TMEM132D: variants seen among roughly 807,000 people sequenced by gnomAD.
TMEM132D encodes the protein mature OL transmembrane protein.
A neutral mutation model predicts 62.3 loss-of-function variants in TMEM132D; 21 were observed. The observed-to-expected ratio is 0.34, with a 90% CI of 0.24 to 0.49. The LOEUF (loss-of-function observed/expected upper bound fraction) is 0.49. Among genes scored for constraint, TMEM132D ranks in the 20% least tolerant of loss-of-function variants. The pLI, the probability that TMEM132D is intolerant of heterozygous loss-of-function variation, is 0.99. For synonymous variants in TMEM132D, 621 were observed against 575.6 expected (o/e 1.08, Z -1.13); for missense variants, 1,346 against 1,402.8 (o/e 0.96, Z 0.65).
intron 1 of TMEM132D, among the ~76,000 whole-genome samples, chr12:129,838,866 C>T (rs1459893405): frequency 6.6e-6 from 1 of 151,942 alleles, no homozygotes; most frequent in Non-Finnish European, 1.5e-5. Context: ...ACTGATATTC[C>T]ACACACTGCT....
At chr12:129,895,108 C>T (rs527423072) in intron 1 of TMEM132D, among the ~76,000 whole-genome samples, 29 of 152,248 alleles carry the variant, frequency 1.9e-4, no homozygotes, top group Admixed American at 1.1e-3. Flanking sequence ...CTCCTTGGAA[C>T]GTGCTCAAGG....
chr12:129,087,887 ACCGGGGTGTCCTCCCTGACCGGGG>A (rs1874678162), intron 5 of TMEM132D, among the ~76,000 whole-genome samples: 1 of 128,362 alleles, frequency 7.8e-6, no homozygotes. Flanking sequence ...GTCCTCCCTG[ACCGGGGTGTCCTCCCTGACCGGGG>A]TGTCCTCCCT....
At chr12:129,675,489 A>G (rs1010487191) in intron 2 of TMEM132D, among the ~76,000 whole-genome samples, 2 of 152,338 alleles carry the variant, frequency 1.3e-5, no homozygotes, top group Non-Finnish European at 2.9e-5. Context: ...ATGTATACCT[A>G]TGTAACAAAC....
chr12:129,718,217 G>C (rs1314701026), intron 1 of TMEM132D, among the ~76,000 whole-genome samples: 1 of 152,212 alleles, frequency 6.6e-6, no homozygotes, highest in Non-Finnish European at 1.5e-5. Context: ...TAAGCCAATT[G>C]CAGTGGTCAG....
At chr12:129,301,328 G>T (rs1324279416) in intron 4 of TMEM132D, among the ~76,000 whole-genome samples, 1 of 151,970 alleles carries the variant, frequency 6.6e-6, no homozygotes, top group Non-Finnish European at 1.5e-5. Flanking sequence ...TTTGTATACA[G>T]CACACACCTT....
intron 1 of TMEM132D, among the ~76,000 whole-genome samples, chr12:129,859,129 C>A (rs1170501600): frequency 6.6e-6 from 1 of 152,166 alleles, no homozygotes; most frequent in African/African-American, 2.4e-5. Context: ...CGTTCCACCA[C>A]GTGAGGACAC....
intron 4 of TMEM132D, among the ~76,000 whole-genome samples, chr12:129,255,704 G>C (rs1017149405): frequency 1.3e-5 from 2 of 151,996 alleles, no homozygotes; most frequent in Non-Finnish European, 2.9e-5. Context: ...TCCCATCTCT[G>C]TTCTACAGAT....
chr12:129,768,562 C>T (rs1171591826), intron 1 of TMEM132D, among the ~76,000 whole-genome samples: 1 of 151,910 alleles, frequency 6.6e-6, no homozygotes, highest in South Asian at 2.1e-4. Context: ...GAATTGAAAA[C>T]AGAATCACCT....
chr12:129,462,207 C>T (rs1474760979), intron 3 of TMEM132D, among the ~76,000 whole-genome samples: 1 of 152,034 alleles, frequency 6.6e-6, no homozygotes, highest in Non-Finnish European at 1.5e-5. Context: ...AAAGGCGCTT[C>T]TTGTTCTGAA....
chr12:129,189,786 A>G (rs1435642836), intron 5 of TMEM132D, among the ~76,000 whole-genome samples: 1 of 152,170 alleles, frequency 6.6e-6, no homozygotes, highest in East Asian at 1.9e-4. Flanking sequence ...GGCAGAGTCA[A>G]GCTTGGCAAA....
At chr12:129,308,549 C>G (rs993975935) in intron 4 of TMEM132D, among the ~76,000 whole-genome samples, 1 of 152,190 alleles carries the variant, frequency 6.6e-6, no homozygotes, top group Non-Finnish European at 1.5e-5. Flanking sequence ...GGGCTTACTT[C>G]CTATCACTTG....
intron 3 of TMEM132D, among the ~76,000 whole-genome samples, chr12:129,498,334 A>G (rs1875023979): frequency 1.3e-5 from 2 of 151,740 alleles, no homozygotes; most frequent in African/African-American, 4.8e-5. Flanking sequence ...GCTCACTGCA[A>G]CCTCTGTCTC....
chr12:129,568,558 C>G (rs766912562), intron 2 of TMEM132D, among the ~76,000 whole-genome samples: 10 of 152,224 alleles, frequency 6.6e-5, no homozygotes, highest in South Asian at 2.1e-4. Flanking sequence ...TCGAACTATT[C>G]TCTTCTGTAA....
chr12:129,730,220 A>G (rs1451759407), intron 1 of TMEM132D, among the ~76,000 whole-genome samples: 4 of 152,132 alleles, frequency 2.6e-5, no homozygotes, highest in African/African-American at 7.2e-5. Context: ...CGAAAGTCTA[A>G]TCTGGACAAA....
chr12:129,432,231 A>ATGCT (rs574622549), intron 3 of TMEM132D, among the ~76,000 whole-genome samples: 154 of 150,578 alleles, frequency 1.0e-3, no homozygotes, highest in African/African-American at 3.8e-3. Flanking sequence ...GCTTGGATGG[A>ATGCT]TGGATGGATG....
chr12:129,199,044 C>T (rs867640399), intron 5 of TMEM132D, among the ~76,000 whole-genome samples: 8 of 151,324 alleles, frequency 5.3e-5, no homozygotes, highest in Middle Eastern at 3.4e-3. Flanking sequence ...AAGTAAGCAT[C>T]CAATAAGTAT....
chr12:129,501,223 G>A (rs932720790), intron 3 of TMEM132D, among the ~76,000 whole-genome samples: 1 of 152,092 alleles, frequency 6.6e-6, no homozygotes, highest in African/African-American at 2.4e-5. Context: ...AAGGACTCAC[G>A]ATCTATCCCC....
At chr12:129,434,918 C>T (rs12814901) in intron 3 of TMEM132D, among the ~76,000 whole-genome samples, 26,575 of 152,024 alleles carry the variant, frequency 0.17, 2,681 homozygotes, top group South Asian at 0.3. Flanking sequence ...CTTATTCCCC[C>T]ATCTTACTGT....
chr12:129,640,892 G>A (rs1879626079), intron 2 of TMEM132D, among the ~76,000 whole-genome samples: 1 of 152,084 alleles, frequency 6.6e-6, no homozygotes, highest in Non-Finnish European at 1.5e-5. Context: ...ACCCTACTGT[G>A]AACTGTGCAT....
Sources: gnomAD v4.1 joint callset for allele counts (sites outside exome capture counted in the v4.1 genomes callset) on GRCh38, gnomAD v4.1.1 for gene constraint, MANE v1.5 for transcripts, NCBI Gene and HGNC (gene_info 2026-07-23, HGNC 2026-07-21) for gene names.